CNTN1: variants seen among roughly 807,000 people sequenced by gnomAD.
The protein encoded by CNTN1 is contactin 1.
In CNTN1, 38 loss-of-function variants were observed where a neutral mutation model predicts 126.4. The ratio of observed to expected loss-of-function variants is 0.30; its 90% CI spans 0.23 to 0.39. CNTN1 has a LOEUF of 0.39. Among genes scored for constraint, CNTN1 ranks in the 10% least tolerant of loss-of-function variants. CNTN1 has a pLI of 1.00. For synonymous variants in CNTN1, 413 were observed against 422.6 expected, an observed-to-expected ratio of 0.98 and a Z score of 0.28; for missense variants, 1,009 against 1,248.4, an observed-to-expected ratio of 0.81 and a Z score of 2.89.
At chr12:41,009,962 G>A (rs1413173846) in intron 17 of CNTN1, among the ~76,000 whole-genome samples, 2 of 152,100 alleles carry the variant, frequency 1.3e-5, no homozygotes, top group African/African-American at 4.8e-5. Context: ...GAACTTTTTG[G>A]CATGATTAAA....
chr12:40,895,533 G>C (rs1278933091), intron 1 of CNTN1, among the ~76,000 whole-genome samples: 1 of 152,026 alleles, frequency 6.6e-6, no homozygotes, highest in African/African-American at 2.4e-5. Flanking sequence ...TCGGGTGTTT[G>C]CTCAGGTCTC....
rs1358086336 is a variant in CNTN1, at chr12:40,925,588, C to CACGT, written c.496+937_496+938insCGTA. Reference sequence around the variant, plus strand: ...ATATATACGTATATACGTATATATACATGTATATATATATATACGTGTATA... The same window carrying CACGT: ...ATATATACGTATATACGTATATATACACGTATGTATATATATATATACGTGTATA... On this transcript the variant is annotated intron_variant, in intron 6 of 23. Transcript: ENST00000551295. 2.1e-4 allele frequency among the ~76,000 whole-genome samples: 27 copies of CACGT among 125,742 alleles called. 1 individual carries two copies. Among genetic ancestry groups the CACGT allele is most frequent in the African/African-American group, 7.6e-4 (25 of 33,064 alleles). The allele number at this position is 125,742 out of a possible 152,430, so 82.5% of individuals were successfully genotyped here.
intron 7 of CNTN1, 138 bp from the exon 8 acceptor site, chr12:40,933,323 C>G: frequency 1.5e-6 from 1 of 684,458 alleles, no homozygotes; most frequent in Non-Finnish European, 2.7e-6. Flanking sequence ...CAAGTCTATC[C>G]ATTATGATAT....
intron 18 of CNTN1, among the ~76,000 whole-genome samples, chr12:41,015,120 G>T (rs1393735270): frequency 6.6e-6 from 1 of 151,990 alleles, no homozygotes; most frequent in Non-Finnish European, 1.5e-5. Context: ...TGAATGTTTA[G>T]CAAAACTTGA....
intron 1 of CNTN1, among the ~76,000 whole-genome samples, chr12:40,735,092 T>C (rs78476706): frequency 0.012 from 1,751 of 152,240 alleles, 24 homozygotes; most frequent in Non-Finnish European, 0.013. Context: ...CATTGTTGAA[T>C]GTTTCAAAGG....
At chr12:40,727,269 G>A (rs1942381290) in intron 1 of CNTN1, among the ~76,000 whole-genome samples, 1 of 151,616 alleles carries the variant, frequency 6.6e-6, no homozygotes, top group Non-Finnish European at 1.5e-5. Flanking sequence ...AAGTTTAAAA[G>A]TTTTTAGTCA....
intron 23 of CNTN1, among the ~76,000 whole-genome samples, chr12:41,066,415 A>G (rs1426832382): frequency 6.6e-6 from 1 of 152,120 alleles, no homozygotes; most frequent in Non-Finnish European, 1.5e-5. Flanking sequence ...AATAAGAAAA[A>G]ATTCAGGGCC....
Position 41,070,277 on chromosome 12 carries a change from A to C in CNTN1, c.*242A>C. On this transcript the variant is annotated 3_prime_UTR_variant, in exon 24 of 24. Coordinates refer to ENST00000551295, the MANE Select transcript of CNTN1 (RefSeq NM_001843.4). ...TTAACTCGTTCCAATATGCCTTATA[A>C]ACCACTTAACCTGATTCTGTGACAG... 1 of 537,796 alleles carries C rather than the reference A, an allele frequency of 1.9e-6. No individual in the cohort carries two copies. Among genetic ancestry groups the C allele is most frequent in the Non-Finnish European group, 3.4e-6 (1 of 298,344 alleles). 33.3% of individuals were successfully genotyped at this position (537,796 alleles called of 1,614,324 possible).
Position 40,933,456 on chromosome 12 carries a change from A to C in CNTN1, c.704-5A>C, listed in dbSNP as rs1202326553. On this transcript the variant is annotated splice_region_variant and splice_polypyrimidine_tract_variant and intron_variant, in intron 7 of 23. Coordinates refer to ENST00000551295, the MANE Select transcript of CNTN1 (RefSeq NM_001843.4). ...AGTGGATATTTGTGTTTCTCTTAAT[A>C]TTAGGAACAACAAAACCATATCCTG... 6 of 1,579,206 alleles carry C rather than the reference A, an allele frequency of 3.8e-6. No homozygotes were observed. Among genetic ancestry groups the C allele is most frequent in the Non-Finnish European group, 5.2e-6 (6 of 1,148,714 alleles).
intron 23 of CNTN1, among the ~76,000 whole-genome samples, chr12:41,048,879 A>G (rs1949608254): frequency 6.6e-6 from 1 of 152,196 alleles, no homozygotes; most frequent in African/African-American, 2.4e-5. Context: ...TTCAACAAAT[A>G]ATTTATCATC....
chr12:41,070,050 C>T lies in CNTN1; in HGVS notation c.*15C>T. The T allele has an allele frequency of 6.2e-7, 1 of 1,611,320 alleles. No homozygotes were observed. The highest frequency in any genetic ancestry group is 1.3e-5 in the African/African-American group (1 of 74,998). On this transcript the variant is annotated 3_prime_UTR_variant, in exon 24 of 24. Coordinates refer to ENST00000551295, the MANE Select transcript of CNTN1 (RefSeq NM_001843.4). ...TGGAATTCTGAATGTGTTGTGACAGCTGCTGTTCCCATCCCAGCTCAGAAG... is the reference window on the plus strand; with the variant it reads ...TGGAATTCTGAATGTGTTGTGACAGTTGCTGTTCCCATCCCAGCTCAGAAG...
intron 15 of CNTN1, among the ~76,000 whole-genome samples, chr12:40,967,502 A>C (rs924098884): frequency 6.6e-6 from 1 of 152,018 alleles, no homozygotes; most frequent in South Asian, 2.1e-4. Flanking sequence ...AAACAAACAA[A>C]CAAACAAAAA....
intron 1 of CNTN1, among the ~76,000 whole-genome samples, chr12:40,755,165 A>C (rs1380317312): frequency 7.4e-6 from 1 of 134,996 alleles, no homozygotes; most frequent in Non-Finnish European, 1.5e-5. Context: ...CATTCCATCC[A>C]GGGCAACAGA....
intron 1 of CNTN1, among the ~76,000 whole-genome samples, chr12:40,725,256 C>A (rs1942320455): frequency 6.6e-6 from 1 of 151,798 alleles, no homozygotes; most frequent in Non-Finnish European, 1.5e-5. Flanking sequence ...ACAAAATTAG[C>A]AGGGTGTGGT....
intron 1 of CNTN1, among the ~76,000 whole-genome samples, chr12:40,773,954 C>T (rs929926098): frequency 1.3e-5 from 2 of 151,314 alleles, no homozygotes; most frequent in African/African-American, 2.4e-5. Context: ...TGTCAGCACA[C>T]TTACCATCTT....
intron 23 of CNTN1, among the ~76,000 whole-genome samples, chr12:41,043,018 T>G (rs1852310148): frequency 1.3e-5 from 2 of 152,192 alleles, no homozygotes; most frequent in South Asian, 4.1e-4. Context: ...ATTAAAGACT[T>G]ACATGTTAGA....
intron 1 of CNTN1, among the ~76,000 whole-genome samples, chr12:40,898,171 G>T (rs1944481404): frequency 6.6e-6 from 1 of 152,018 alleles, no homozygotes. Flanking sequence ...TATATGATGT[G>T]GGGGGTATAG....
intron 23 of CNTN1, among the ~76,000 whole-genome samples, chr12:41,038,483 T>G (rs969336609): frequency 6.6e-6 from 1 of 152,082 alleles, no homozygotes; most frequent in African/African-American, 2.4e-5. Flanking sequence ...TGTGTTGTAC[T>G]TTCTTCTTCT....
intron 1 of CNTN1, among the ~76,000 whole-genome samples, chr12:40,744,802 G>A (rs1938112166): frequency 6.6e-6 from 1 of 152,120 alleles, no homozygotes; most frequent in Admixed American, 6.6e-5. Context: ...ATATTGGGAA[G>A]GGAGATCTTT....
Sources: allele counts gnomAD v4.1 joint callset (sites outside exome capture counted in the v4.1 genomes callset), GRCh38; gene constraint gnomAD v4.1.1; transcripts MANE v1.5; gene names NCBI Gene and HGNC (gene_info 2026-07-23, HGNC 2026-07-21).